NRXN1: variants seen among roughly 807,000 people sequenced by gnomAD.
NRXN1 encodes neurexin-1.
NRXN1 carries 39 observed loss-of-function variants against 150.9 expected under a neutral mutation model. That is an observed-to-expected ratio of 0.26 (90% CI 0.20 to 0.34). The LOEUF (loss-of-function observed/expected upper bound fraction) is 0.34, where lower values mean the gene tolerates loss of function less well. Among genes scored for constraint, NRXN1 ranks in the 10% least tolerant of loss-of-function variants. The pLI, the probability that NRXN1 is intolerant of heterozygous loss-of-function variation, is 1.00. For synonymous variants in NRXN1, 924 were observed against 757.0 expected (o/e 1.22, Z -3.62); for missense variants, 1,815 against 1,949.9 (o/e 0.93, Z 1.30).
chr2:50,497,838 A>G, intron 13 of NRXN1, 124 bp from the exon 14 acceptor site: 1 of 789,000 alleles, frequency 1.3e-6, no homozygotes, highest in Non-Finnish European at 2.0e-6. Context: ...ACTCAGTTGC[A>G]TATAGGAAGA....
intron 5 of NRXN1, among the ~76,000 whole-genome samples, chr2:50,727,340 T>C (rs1697502502): frequency 6.6e-6 from 1 of 152,186 alleles, no homozygotes; most frequent in African/African-American, 2.4e-5. Flanking sequence ...GTGTTAACAC[T>C]AAAGTATCAA....
rs184971388 is a variant in NRXN1, at chr2:50,990,854, A to G, written c.772+36648T>C. 7.4e-3 allele frequency among the ~76,000 whole-genome samples: 1,119 copies of G among 152,074 alleles called. 9 individuals carry two copies. The highest frequency in any genetic ancestry group is 0.011 in the Non-Finnish European group (728 of 67,940). On this transcript the variant is annotated intron_variant, in intron 2 of 22. Coordinates refer to ENST00000401669, the MANE Select transcript of NRXN1 (RefSeq NM_001330078.2). Reference sequence around the variant, plus strand: ...AGCTTTCCCAGGTGGAGACCTCGCCATTTCTCAAATCTTAGCCTTCCTCTC... The same window carrying G: ...AGCTTTCCCAGGTGGAGACCTCGCCGTTTCTCAAATCTTAGCCTTCCTCTC...
intron 17 of NRXN1, among the ~76,000 whole-genome samples, chr2:50,380,440 C>A (rs1160143846): frequency 6.6e-6 from 1 of 151,836 alleles, no homozygotes; most frequent in Non-Finnish European, 1.5e-5. Context: ...GTTTTCAATT[C>A]TTTTTTATAT....
At position 50,591,802 on chromosome 2, in the gene NRXN1, A is replaced by G. The variant is rs138155480; in HGVS notation, c.1320+28220T>C. ...AGCAGGGAAATGCGCCCCAGTGTGC[A>G]TGCTAAATACAAGTTAGGCGCCCTT... is the stretch of plus-strand genomic sequence containing the variant. On this transcript the variant is annotated intron_variant, in intron 8 of 22. Transcript: ENST00000401669. Among the ~76,000 whole-genome samples, 366 of 152,354 alleles carry G rather than the reference A, an allele frequency of 2.4e-3. 3 individuals carry two copies. The highest frequency in any genetic ancestry group is 8.0e-3 in the African/African-American group (334 of 41,588).
At chr2:50,051,479 AT>A (rs1320687584) in intron 21 of NRXN1, among the ~76,000 whole-genome samples, 2 of 152,118 alleles carry the variant, frequency 1.3e-5, no homozygotes, top group East Asian at 3.8e-4. Flanking sequence ...AGGAAAGTCT[AT>A]CAATTTATTT....
chr2:50,733,660 G>A (rs898816030), intron 5 of NRXN1, among the ~76,000 whole-genome samples: 1 of 152,040 alleles, frequency 6.6e-6, no homozygotes, highest in African/African-American at 2.4e-5. Flanking sequence ...CAATGTGGGT[G>A]GATAATTGGC....
At chr2:50,688,765 G>C (rs1691630196) in intron 5 of NRXN1, among the ~76,000 whole-genome samples, 1 of 152,126 alleles carries the variant, frequency 6.6e-6, no homozygotes, top group African/African-American at 2.4e-5. Flanking sequence ...ACTCTAAAGA[G>C]TAAAATTAGT....
intron 5 of NRXN1, among the ~76,000 whole-genome samples, chr2:50,805,765 G>T (rs1227326442): frequency 6.6e-6 from 1 of 152,146 alleles, no homozygotes; most frequent in Non-Finnish European, 1.5e-5. Flanking sequence ...AAAATATGGA[G>T]AGAAATATTT....
intron 5 of NRXN1, among the ~76,000 whole-genome samples, chr2:50,818,029 T>C (rs1163309434): frequency 1.4e-5 from 2 of 145,698 alleles, no homozygotes; most frequent in Non-Finnish European, 3.0e-5. Context: ...ATAAATAAAA[T>C]GCATCAAAGC....
chr2:50,453,633 T>A (rs1463309313), intron 17 of NRXN1, among the ~76,000 whole-genome samples: 5 of 152,176 alleles, frequency 3.3e-5, no homozygotes, highest in African/African-American at 1.2e-4. Flanking sequence ...AAATGCTATC[T>A]TTTGCATAAT....
intron 1 of NRXN1, among the ~76,000 whole-genome samples, chr2:51,031,046 A>ATATATG (rs1447998825): frequency 2.0e-5 from 3 of 152,094 alleles, no homozygotes; most frequent in Admixed American, 2.0e-4. Flanking sequence ...GTAGAGCAAT[A>ATATATG]TATATGTACA....
At chr2:50,664,790 A>C (rs1376916674) in intron 5 of NRXN1, among the ~76,000 whole-genome samples, 3 of 151,586 alleles carry the variant, frequency 2.0e-5, no homozygotes, top group African/African-American at 4.9e-5. Flanking sequence ...AAAAAAAAAA[A>C]CAAAAACTAT....
intron 17 of NRXN1, among the ~76,000 whole-genome samples, chr2:50,360,376 C>A (rs1015063252): frequency 2.0e-5 from 3 of 152,266 alleles, no homozygotes; most frequent in Admixed American, 6.5e-5. Flanking sequence ...CTCATATACA[C>A]AGACACATAT....
chr2:50,533,614 A>G (rs1489446674), intron 10 of NRXN1, among the ~76,000 whole-genome samples: 1 of 151,964 alleles, frequency 6.6e-6, no homozygotes, highest in Non-Finnish European at 1.5e-5. Context: ...TCTCACCTAC[A>G]CCACTGTAGT....
rs60612860 is a variant in NRXN1 at position 50,515,600 on chromosome 2, GGTGTGTGT to G, written c.2375-8991_2375-8984del. On this transcript the variant is annotated intron_variant, in intron 12 of 22. Transcript: ENST00000401669. ...ATAGAAACATTCATTAAATGCTTGG[GGTGTGTGT>G]GTGTGTGTGTGTGTGTGTGTGTGTG... is the stretch of plus-strand genomic sequence containing the variant. Among the ~76,000 whole-genome samples, 1,068 of 143,480 alleles carry G rather than the reference GGTGTGTGT, an allele frequency of 7.4e-3. 7 individuals carry two copies. Among genetic ancestry groups the G allele is most frequent in the Middle Eastern group, 0.015 (4 of 274 alleles). The allele number at this position is 143,480 out of a possible 152,430, so 94.1% of individuals were successfully genotyped here. A position where few individuals can be genotyped will look rare whatever the true frequency, so the allele number is the denominator to read the frequency against.
chr2:50,784,529 T>C (rs1158373884), intron 5 of NRXN1, among the ~76,000 whole-genome samples: 2 of 152,026 alleles, frequency 1.3e-5, no homozygotes, highest in Non-Finnish European at 2.9e-5. Flanking sequence ...TTATTATTAA[T>C]TAAAGTTTGG....
At chr2:50,369,308 T>C (rs1331734787) in intron 17 of NRXN1, among the ~76,000 whole-genome samples, 1 of 152,008 alleles carries the variant, frequency 6.6e-6, no homozygotes, top group Admixed American at 6.6e-5. Context: ...CCTATATATT[T>C]TTTATTAAAC....
intron 17 of NRXN1, among the ~76,000 whole-genome samples, chr2:50,301,992 C>A (rs2074193732): frequency 1.3e-5 from 2 of 151,636 alleles, no homozygotes; most frequent in Non-Finnish European, 2.9e-5. Context: ...TAAGTCCCAG[C>A]AAATCATTTT....
intron 5 of NRXN1, among the ~76,000 whole-genome samples, chr2:50,709,743 A>T (rs923599374): frequency 6.6e-6 from 1 of 152,138 alleles, no homozygotes; most frequent in Non-Finnish European, 1.5e-5. Context: ...CTGTTGTTCT[A>T]TGCTTAAGGA....
Sources: gnomAD v4.1 joint callset for allele counts (sites outside exome capture counted in the v4.1 genomes callset) on GRCh38, gnomAD v4.1.1 for gene constraint, MANE v1.5 for transcripts, NCBI Gene and HGNC (gene_info 2026-07-23, HGNC 2026-07-21) for gene names.